Variants in PLCXD3 observed in about 807,000 individuals in gnomAD.
PLCXD3 encodes the protein phosphatidylinositol specific phospholipase C X domain containing 3.
PLCXD3 carries 19 observed loss-of-function variants against 25.5 expected under a neutral mutation model. That is an observed-to-expected ratio of 0.75 (90% confidence interval 0.52 to 1.09). The LOEUF (loss-of-function observed/expected upper bound fraction) is 1.09, where lower values mean the gene tolerates loss of function less well. Ranked by LOEUF, PLCXD3 falls within the 50% of genes least tolerant of loss-of-function variation. PLCXD3 has a pLI of 0.00. For missense variants in PLCXD3, 411 were observed against 388.1 expected (o/e 1.06, Z -0.50); for synonymous variants, 174 against 137.6 (o/e 1.26, Z -1.85).
chr5:41,438,470 G>A (rs973926224), intron 1 of PLCXD3, among the ~76,000 whole-genome samples: 1 of 152,142 alleles, frequency 6.6e-6, no homozygotes, highest in African/African-American at 2.4e-5. Flanking sequence ...AGAATGGGGT[G>A]GAACCAGGGG....
At chr5:41,507,300 C>G (rs924170985) in intron 1 of PLCXD3, among the ~76,000 whole-genome samples, 1 of 151,894 alleles carries the variant, frequency 6.6e-6, no homozygotes. Context: ...CAAATATGCA[C>G]GAATTAAAAC....
intron 2 of PLCXD3, among the ~76,000 whole-genome samples, chr5:41,341,602 G>C (rs959940029): frequency 6.6e-6 from 1 of 152,074 alleles, no homozygotes; most frequent in African/African-American, 2.4e-5. Context: ...GGTTACCATT[G>C]GGTTTATAAG....
intron 1 of PLCXD3, among the ~76,000 whole-genome samples, chr5:41,396,137 A>T (rs1049758240): frequency 6.6e-6 from 1 of 152,192 alleles, no homozygotes; most frequent in African/African-American, 2.4e-5. Flanking sequence ...ATTCACCGTG[A>T]CTGAAATGGT....
intron 1 of PLCXD3, among the ~76,000 whole-genome samples, chr5:41,412,006 G>T (rs1746559193): frequency 6.6e-6 from 1 of 150,622 alleles, no homozygotes. Flanking sequence ...CTATCTGTAT[G>T]TATGTATAGC....
intron 1 of PLCXD3, among the ~76,000 whole-genome samples, chr5:41,392,137 G>A (rs1193002893): frequency 6.6e-6 from 1 of 152,206 alleles, no homozygotes; most frequent in African/African-American, 2.4e-5. Context: ...TGTCTGCTCT[G>A]AAGGGAAGGA....
chr5:41,459,609 T>G (rs1044385659), intron 1 of PLCXD3, among the ~76,000 whole-genome samples: 2 of 151,774 alleles, frequency 1.3e-5, no homozygotes, highest in Non-Finnish European at 2.9e-5. Context: ...ATTAATAAAA[T>G]TTCATAGCTC....
chr5:41,498,612 C>T (rs963667714), intron 1 of PLCXD3, among the ~76,000 whole-genome samples: 3 of 151,548 alleles, frequency 2.0e-5, no homozygotes, highest in African/African-American at 7.3e-5. Flanking sequence ...CACACTCTTC[C>T]AAAAAAACTG....
At chr5:41,411,634 A>G (rs77615531) in intron 1 of PLCXD3, among the ~76,000 whole-genome samples, 16,541 of 152,152 alleles carry the variant, frequency 0.11, 1,086 homozygotes, top group Admixed American at 0.17. Flanking sequence ...GATTCTGAAT[A>G]GTATCACCTT....
chr5:41,492,534 C>T (rs553306507), intron 1 of PLCXD3, among the ~76,000 whole-genome samples: 18 of 152,296 alleles, frequency 1.2e-4, no homozygotes, highest in African/African-American at 4.1e-4. Flanking sequence ...GAGTGTTTTC[C>T]AATTTGTTTC....
At chr5:41,435,044 A>G (rs930458644) in intron 1 of PLCXD3, among the ~76,000 whole-genome samples, 1 of 152,246 alleles carries the variant, frequency 6.6e-6, no homozygotes, top group Non-Finnish European at 1.5e-5. Flanking sequence ...ATTCAAAGCA[A>G]GTATCAGTAT....
intron 1 of PLCXD3, among the ~76,000 whole-genome samples, chr5:41,408,558 AC>A (rs1170544168): frequency 4.6e-5 from 7 of 152,142 alleles, no homozygotes; most frequent in Admixed American, 4.6e-4. Context: ...TCTGAACTAA[AC>A]TTTTTTTTAA....
chr5:41,311,542 T>G lies in PLCXD3; in HGVS notation c.*2075A>C, dbSNP rs970438569. 2.0e-5 allele frequency: 3 copies of G among 152,178 alleles called. No homozygotes were observed. Among genetic ancestry groups the G allele is most frequent in the Non-Finnish European group, 4.4e-5 (3 of 68,014 alleles). 9.4% of individuals were successfully genotyped at this position (152,178 alleles called of 1,614,324 possible). A position where few individuals can be genotyped will look rare whatever the true frequency, so the allele number is the denominator to read the frequency against. On this transcript the variant is annotated 3_prime_UTR_variant, in exon 3 of 3. Coordinates refer to ENST00000377801, the MANE Select transcript of PLCXD3 (RefSeq NM_001005473.3). The stretch of plus-strand genomic sequence containing the variant: ...TACTGTGTCCATATCTGTGTGTGTT[T>G]CTGTATGTTTGAATTTGTATGCTAT...
chr5:41,420,584 T>C (rs1746795647), intron 1 of PLCXD3, among the ~76,000 whole-genome samples: 2 of 152,222 alleles, frequency 1.3e-5, no homozygotes, highest in South Asian at 2.1e-4. Flanking sequence ...CTAGAAAACA[T>C]GTTACATCTC....
At chr5:41,354,728 T>C (rs1278849433) in intron 2 of PLCXD3, among the ~76,000 whole-genome samples, 2 of 152,186 alleles carry the variant, frequency 1.3e-5, no homozygotes, top group East Asian at 3.9e-4. Context: ...TGTAATATTG[T>C]CTCACTCAAA....
At chr5:41,473,819 T>G (rs1748224929) in intron 1 of PLCXD3, among the ~76,000 whole-genome samples, 1 of 152,180 alleles carries the variant, frequency 6.6e-6, no homozygotes. Context: ...GAAGGGCACA[T>G]AGTGAAGCAG....
intron 2 of PLCXD3, among the ~76,000 whole-genome samples, chr5:41,371,985 A>G (rs998368995): frequency 1.3e-5 from 2 of 152,118 alleles, no homozygotes; most frequent in Non-Finnish European, 2.9e-5. Context: ...CTTTTCCCTC[A>G]GTTGCTGACT....
At chr5:41,425,120 T>C (rs1746924970) in intron 1 of PLCXD3, among the ~76,000 whole-genome samples, 1 of 152,210 alleles carries the variant, frequency 6.6e-6, no homozygotes, top group African/African-American at 2.4e-5. Context: ...TGTATAGTAA[T>C]CATCTTTCTC....
intron 2 of PLCXD3, among the ~76,000 whole-genome samples, chr5:41,361,771 A>G (rs1183590383): frequency 6.6e-6 from 1 of 152,252 alleles, no homozygotes. Flanking sequence ...ACATTAAAAT[A>G]AAAAGTCTAC....
intron 1 of PLCXD3, among the ~76,000 whole-genome samples, chr5:41,406,313 T>C (rs145300618): frequency 4.0e-4 from 61 of 152,284 alleles, no homozygotes; most frequent in Middle Eastern, 3.4e-3. Context: ...TATAGATGCA[T>C]CAAATATTGA....
Sources: allele counts gnomAD v4.1 joint callset (sites outside exome capture counted in the v4.1 genomes callset), GRCh38; gene constraint gnomAD v4.1.1; transcripts MANE v1.5; gene names NCBI Gene and HGNC (gene_info 2026-07-23, HGNC 2026-07-21).